Variants in NDUFS4 observed in about 807,000 individuals in gnomAD.
The protein encoded by NDUFS4 is NADH:ubiquinone oxidoreductase subunit S4.
Under a neutral mutation model 24.3 loss-of-function variants are expected in NDUFS4, and 28 were observed. The ratio of observed to expected loss-of-function variants is 1.15; its 90% CI spans 0.85 to 1.58. The LOEUF (loss-of-function observed/expected upper bound fraction) is 1.58. NDUFS4 is among the 40% of genes most tolerant of loss of function. The probability of loss-of-function intolerance (pLI) is 0.00; values close to 1 mark genes in which losing one functional copy is unlikely to be tolerated. For synonymous variants in NDUFS4, 93 were observed against 69.7 expected (o/e 1.34, Z -1.67); for missense variants, 223 against 207.9 (o/e 1.07, Z -0.45).
intron 4 of NDUFS4, among the ~76,000 whole-genome samples, chr5:53,666,109 G>T (rs1373993652): frequency 6.6e-6 from 1 of 151,998 alleles, no homozygotes; most frequent in Non-Finnish European, 1.5e-5. Flanking sequence ...ATACTATTTT[G>T]ACTTAAAATA....
At chr5:53,630,943 C>T (rs113425312) in intron 2 of NDUFS4, among the ~76,000 whole-genome samples, 3 of 152,148 alleles carry the variant, frequency 2.0e-5, no homozygotes, top group African/African-American at 7.2e-5. Flanking sequence ...AGTTATGATC[C>T]TTTGGAGGAG....
At chr5:53,621,048 C>T (rs1213355626) in intron 2 of NDUFS4, among the ~76,000 whole-genome samples, 1 of 152,136 alleles carries the variant, frequency 6.6e-6, no homozygotes, top group African/African-American at 2.4e-5. Context: ...GAAGAGTTAA[C>T]GTCTCAAACT....
At chr5:53,679,193 C>G (rs1288253713) in intron 4 of NDUFS4, among the ~76,000 whole-genome samples, 1 of 152,096 alleles carries the variant, frequency 6.6e-6, no homozygotes, top group Non-Finnish European at 1.5e-5. Flanking sequence ...AGCACAGTTG[C>G]ATGTGCAACT....
intron 4 of NDUFS4, among the ~76,000 whole-genome samples, chr5:53,682,317 G>C (rs1740692857): frequency 6.6e-6 from 1 of 151,968 alleles, no homozygotes; most frequent in African/African-American, 2.4e-5. Context: ...AAATGGCTTT[G>C]GAAGGAAAAT....
rs1320081392 is a variant in NDUFS4, at chr5:53,631,171, G to T, written c.178-15062G>T. On this transcript the variant is annotated intron_variant, in intron 2 of 4. Transcript: ENST00000296684. Reference sequence around the variant, plus strand: ...TGCAGGTCAGTTGGAGTTTGCTGGAGGTCCACTCCAGACCCTGTCTGCTTG... The same window carrying T: ...TGCAGGTCAGTTGGAGTTTGCTGGATGTCCACTCCAGACCCTGTCTGCTTG... 2.0e-5 allele frequency among the ~76,000 whole-genome samples: 3 copies of T among 152,180 alleles called. No individual in the cohort carries two copies. In the East Asian group the frequency reaches 5.8e-4, roughly 29 times the overall value.
At chr5:53,615,791 T>A (rs1199488933) in intron 2 of NDUFS4, among the ~76,000 whole-genome samples, 1 of 152,106 alleles carries the variant, frequency 6.6e-6, no homozygotes, top group Non-Finnish European at 1.5e-5. Context: ...AAAAATAAAC[T>A]TGGCTTTCTC....
At chr5:53,593,022 C>G (rs1358228434) in intron 1 of NDUFS4, among the ~76,000 whole-genome samples, 1 of 151,850 alleles carries the variant, frequency 6.6e-6, no homozygotes, top group Non-Finnish European at 1.5e-5. Flanking sequence ...CCTGTAATGC[C>G]TTTATCTAGT....
chr5:53,658,797 A>AAG, intron 4 of NDUFS4, 173 bp downstream of exon 4: 1 of 593,118 alleles, frequency 1.7e-6, no homozygotes, highest in East Asian at 2.8e-5. Flanking sequence ...AAAAAAAAAA[A>AAG]AAAAAAACCT....
At chr5:53,633,197 A>G (rs371807444) in intron 2 of NDUFS4, among the ~76,000 whole-genome samples, 1 of 152,330 alleles carries the variant, frequency 6.6e-6, no homozygotes, top group East Asian at 1.9e-4. Flanking sequence ...GTTCTGTTGA[A>G]TACTTTGAGA....
At chr5:53,658,947 C>T (rs919053718) in intron 4 of NDUFS4, among the ~76,000 whole-genome samples, 1 of 152,104 alleles carries the variant, frequency 6.6e-6, no homozygotes, top group African/African-American at 2.4e-5. Context: ...TTCAATTGAA[C>T]ATATATGGCA....
rs138047346 is a variant in NDUFS4, at chr5:53,666,144, A to G, written c.424+7520A>G. ...AACATTACTCTCTTTGTGAACTGTA[A>G]CATAGTTATGAAAAACAGTTCCATT... is the stretch of plus-strand genomic sequence containing the variant. On this transcript the variant is annotated intron_variant, in intron 4 of 4. Transcript: ENST00000296684. Among the ~76,000 whole-genome samples, 291 of 152,332 alleles carry G rather than the reference A, an allele frequency of 1.9e-3. 1 individual carries two copies. Among genetic ancestry groups the G allele is most frequent in the African/African-American group, 6.6e-3 (275 of 41,578 alleles).
rs73754287 is a variant in NDUFS4, at chr5:53,678,425, G to A, written c.425-4693G>A. On this transcript the variant is annotated intron_variant, in intron 4 of 4. Coordinates refer to ENST00000296684, the MANE Select transcript of NDUFS4 (RefSeq NM_002495.4). ...TGGCTACTCTCCTCTAGAAAGTGAC[G>A]GCAGCACTGGGAGCTTTACCTATCC... Among the ~76,000 whole-genome samples the A allele has an allele frequency of 7.2e-3, 1,097 of 152,196 alleles. 13 individuals carry two copies. The highest frequency in any genetic ancestry group is 0.025 in the African/African-American group (1,045 of 41,518).
At chr5:53,669,334 G>C (rs1226846391) in intron 4 of NDUFS4, among the ~76,000 whole-genome samples, 1 of 152,162 alleles carries the variant, frequency 6.6e-6, no homozygotes, top group South Asian at 2.1e-4. Context: ...AGTTTTGTCT[G>C]TGTTCCAACT....
At chr5:53,678,421 T>C (rs530389016) in intron 4 of NDUFS4, among the ~76,000 whole-genome samples, 41 of 152,286 alleles carry the variant, frequency 2.7e-4, no homozygotes, top group African/African-American at 9.6e-4. Context: ...CTCTAGAAAG[T>C]GACGGCAGCA....
intron 4 of NDUFS4, among the ~76,000 whole-genome samples, chr5:53,660,633 C>G (rs539382206): frequency 1.3e-5 from 2 of 152,154 alleles, no homozygotes; most frequent in African/African-American, 4.8e-5. Context: ...AAAAGTGTTC[C>G]TTTTTCTCCA....
chr5:53,617,506 A>AT (rs1230278566), intron 2 of NDUFS4, among the ~76,000 whole-genome samples: 1 of 150,220 alleles, frequency 6.7e-6, no homozygotes, highest in East Asian at 2.0e-4. Flanking sequence ...TTTGGCCGTC[A>AT]TTTTTTCCCC....
chr5:53,623,518 A>G (rs546916626), intron 2 of NDUFS4, among the ~76,000 whole-genome samples: 208 of 152,248 alleles, frequency 1.4e-3, no homozygotes, highest in African/African-American at 4.9e-3. Flanking sequence ...TTAATCCTCT[A>G]TCAGCTAGAT....
chr5:53,647,338 C>T (rs1450891429), intron 3 of NDUFS4, among the ~76,000 whole-genome samples: 1 of 152,054 alleles, frequency 6.6e-6, no homozygotes, highest in Non-Finnish European at 1.5e-5. Flanking sequence ...CCTTAATCCC[C>T]CAAGTAGCTG....
At chr5:53,591,968 G>A (rs529789279) in intron 1 of NDUFS4, among the ~76,000 whole-genome samples, 43 of 151,914 alleles carry the variant, frequency 2.8e-4, no homozygotes, top group African/African-American at 9.4e-4. Flanking sequence ...ACGGGATCTC[G>A]CTCTGTTGCC....
Sources: allele counts gnomAD v4.1 joint callset (sites outside exome capture counted in the v4.1 genomes callset), GRCh38; gene constraint gnomAD v4.1.1; transcripts MANE v1.5; gene names NCBI Gene and HGNC (gene_info 2026-07-23, HGNC 2026-07-21).